The following NMNAT2 variants were observed in gnomAD, a reference collection of about 807,000 sequenced individuals.
NMNAT2 encodes nicotinamide nucleotide adenylyltransferase 2.
Under a neutral mutation model 41.6 loss-of-function variants are expected in NMNAT2, and 11 were observed. The ratio of observed to expected loss-of-function variants is 0.26; its 90% CI spans 0.17 to 0.44. The LOEUF is 0.44. Ranked by LOEUF, NMNAT2 falls within the 20% of genes least tolerant of loss-of-function variation. NMNAT2 has a pLI of 1.00. For synonymous variants in NMNAT2, 148 were observed against 151.2 expected (o/e 0.98, Z 0.16); for missense variants, 288 against 407.7 (o/e 0.71, Z 2.53).
intron 1 of NMNAT2, among the ~76,000 whole-genome samples, chr1:183,317,971 A>G (rs1461628212): frequency 6.6e-6 from 1 of 152,266 alleles, no homozygotes; most frequent in Admixed American, 6.5e-5. Flanking sequence ...ATACACAAAC[A>G]GACAAACACA....
At chr1:183,307,924 G>C (rs1662032494) in intron 1 of NMNAT2, among the ~76,000 whole-genome samples, 1 of 152,190 alleles carries the variant, frequency 6.6e-6, no homozygotes, top group East Asian at 1.9e-4. Context: ...CCAAGGTTGG[G>C]GAGGGCGCGT....
chr1:183,252,515 G>A lies in NMNAT2; in HGVS notation c.*126C>T, dbSNP rs200016061. On this transcript the variant is annotated 3_prime_UTR_variant, in exon 11 of 11. Transcript: ENST00000287713. ...GTTCTCTGCAGGTCCCCCACACTAT[G>A]GGGGGTTAAGTCAGCAAGTAGGGAA... 3.7e-5 allele frequency: 28 copies of A among 748,168 alleles called. No individual in the cohort carries two copies. Among genetic ancestry groups the A allele is most frequent in the Non-Finnish European group, 4.9e-5 (20 of 411,878 alleles). The allele number at this position is 748,168 out of a possible 1,614,324, so 46.3% of individuals were successfully genotyped here.
chr1:183,401,027 T>C (rs1358691560), intron 1 of NMNAT2, among the ~76,000 whole-genome samples: 1 of 151,904 alleles, frequency 6.6e-6, no homozygotes, highest in Non-Finnish European at 1.5e-5. Context: ...GACTAAAACA[T>C]GAAAAGCAAT....
intron 1 of NMNAT2, among the ~76,000 whole-genome samples, chr1:183,406,206 A>G (rs1292883444): frequency 6.6e-6 from 1 of 152,224 alleles, no homozygotes; most frequent in East Asian, 1.9e-4. Flanking sequence ...AGAGGGATGT[A>G]GACAATGAAG....
chr1:183,275,704 G>T (rs646201), intron 8 of NMNAT2, among the ~76,000 whole-genome samples: 101,214 of 151,832 alleles, frequency 0.67, 36,946 homozygotes, highest in Middle Eastern at 0.84. Flanking sequence ...ACAGAGTCTT[G>T]CTCTGTCACC....
intron 1 of NMNAT2, among the ~76,000 whole-genome samples, chr1:183,294,083 T>G (rs149961138): frequency 2.8e-4 from 43 of 152,278 alleles, no homozygotes; most frequent in African/African-American, 1.0e-3. Context: ...AACAAGCGCC[T>G]CATTAGCAGC....
At chr1:183,303,351 C>T (rs12748895) in intron 1 of NMNAT2, among the ~76,000 whole-genome samples, 55,809 of 152,038 alleles carry the variant, frequency 0.37, 11,196 homozygotes, top group Non-Finnish European at 0.44. Flanking sequence ...CTGTGTTAGG[C>T]GCAGTGTTAG....
chr1:183,404,565 C>A (rs533560130), intron 1 of NMNAT2, among the ~76,000 whole-genome samples: 1 of 152,126 alleles, frequency 6.6e-6, no homozygotes, highest in Non-Finnish European at 1.5e-5. Flanking sequence ...CACAGACATT[C>A]GTGGCTTTGA....
intron 1 of NMNAT2, among the ~76,000 whole-genome samples, chr1:183,385,612 T>C (rs1321262735): frequency 6.6e-6 from 1 of 151,996 alleles, no homozygotes; most frequent in Non-Finnish European, 1.5e-5. Flanking sequence ...TTTTTTTTTT[T>C]CCAGAAAATC....
At chr1:183,374,848 A>T (rs1663636567) in intron 1 of NMNAT2, among the ~76,000 whole-genome samples, 1 of 152,130 alleles carries the variant, frequency 6.6e-6, no homozygotes, top group South Asian at 2.1e-4. Flanking sequence ...ACTTCCCCAG[A>T]TGCTCCCTTG....
rs113154266 is a variant in NMNAT2, at chr1:183,295,611, T to C, written c.86-1818A>G. Among the ~76,000 whole-genome samples, 490 of 152,314 alleles carry C rather than the reference T, an allele frequency of 3.2e-3. 1 individual carries two copies. Among genetic ancestry groups the C allele is most frequent in the South Asian group, 5.4e-3 (26 of 4,810 alleles). ...TGGGTTTTGACAATTGTATCCTTCA[T>C]TATAGTATCATACCCAGTATTTTCA... On this transcript the variant is annotated intron_variant, in intron 1 of 10. Coordinates refer to ENST00000287713, the MANE Select transcript of NMNAT2 (RefSeq NM_015039.4).
chr1:183,283,014 G>A (rs1029497602), intron 7 of NMNAT2: 11 of 152,020 alleles, frequency 7.2e-5, no homozygotes, highest in Non-Finnish European at 1.6e-4. Flanking sequence ...GCCAATTCAG[G>A]GACACCACTG....
chr1:183,261,054 C>A lies in NMNAT2; in HGVS notation c.769G>T (p.Val257Leu). 1.9e-6 allele frequency: 3 copies of A among 1,613,930 alleles called. No individual in the cohort carries two copies. Among genetic ancestry groups the A allele is most frequent in the Non-Finnish European group, 2.5e-6 (3 of 1,179,832 alleles). ...ATGGGATGGTTGATGTCATCCTTCACCACCATGATGTTGTTCTGAGGACAG... is the reference window on the plus strand; with the variant it reads ...ATGGGATGGTTGATGTCATCCTTCAACACCATGATGTTGTTCTGAGGACAG... ...LRKYKNNIMV[V>L]KDDINHPMSV... Residue 257 changes from valine to leucine, a missense_variant, in exon 10 of 11, where the codon GTG becomes TTG. Val to Leu is a conservative substitution (Grantham distance 32). Transcript: ENST00000287713.
intron 1 of NMNAT2, among the ~76,000 whole-genome samples, chr1:183,326,062 C>A (rs116199189): frequency 0.011 from 1,726 of 152,122 alleles, 23 homozygotes; most frequent in South Asian, 0.066. Flanking sequence ...GAACAGAATG[C>A]AGTCATCAGG....
chr1:183,405,879 T>C (rs183773947), intron 1 of NMNAT2, among the ~76,000 whole-genome samples: 1 of 152,360 alleles, frequency 6.6e-6, no homozygotes, highest in East Asian at 1.9e-4. Flanking sequence ...ATTCCCAGTG[T>C]GTGGTTGACA....
intron 1 of NMNAT2, among the ~76,000 whole-genome samples, chr1:183,307,615 G>T (rs991680462): frequency 3.3e-5 from 5 of 152,032 alleles, no homozygotes; most frequent in African/African-American, 1.2e-4. Flanking sequence ...GCTAATTTTT[G>T]TATTTTTAAT....
At chr1:183,259,790 G>A (rs951069655) in intron 10 of NMNAT2, among the ~76,000 whole-genome samples, 3 of 152,056 alleles carry the variant, frequency 2.0e-5, no homozygotes, top group African/African-American at 7.2e-5. Flanking sequence ...TAGTGGAGAC[G>A]GGGTTTCACC....
chr1:183,354,552 C>T (rs1462194074), intron 1 of NMNAT2, among the ~76,000 whole-genome samples: 1 of 151,710 alleles, frequency 6.6e-6, no homozygotes, highest in Non-Finnish European at 1.5e-5. Flanking sequence ...GCTAGGACTA[C>T]AGGCATGTGC....
intron 1 of NMNAT2, among the ~76,000 whole-genome samples, chr1:183,341,737 A>C (rs1366040955): frequency 3.0e-5 from 4 of 134,112 alleles, no homozygotes; most frequent in African/African-American, 9.5e-5. Context: ...AAAAAAAAAA[A>C]AAAAAAAAAA....
Sources: gnomAD v4.1 joint callset for allele counts (sites outside exome capture counted in the v4.1 genomes callset) on GRCh38, gnomAD v4.1.1 for gene constraint, MANE v1.5 for transcripts, NCBI Gene and HGNC (gene_info 2026-07-23, HGNC 2026-07-21) for gene names.